HS2ST1: variants seen among roughly 807,000 people sequenced by gnomAD.
HS2ST1 encodes the protein 2-O-sulfotransferase.
In HS2ST1, 18 loss-of-function variants were observed where a neutral mutation model predicts 42.9. That is an observed-to-expected ratio of 0.42 (90% CI 0.29 to 0.62). The LOEUF (loss-of-function observed/expected upper bound fraction) is 0.62. Ranked by LOEUF, HS2ST1 falls within the 20% of genes least tolerant of loss-of-function variation. HS2ST1 has a pLI of 0.21. For missense variants in HS2ST1, 334 were observed against 433.8 expected, an observed-to-expected ratio of 0.77 and a Z score of 2.04; for synonymous variants, 146 against 152.9, an observed-to-expected ratio of 0.95 and a Z score of 0.33.
intron 3 of HS2ST1, among the ~76,000 whole-genome samples, chr1:87,085,610 A>G (rs1651800105): frequency 6.6e-6 from 1 of 152,196 alleles, no homozygotes; most frequent in Non-Finnish European, 1.5e-5. Flanking sequence ...AAAATAAACT[A>G]ATTATTTTTT....
chr1:87,042,808 G>A (rs1650555287), intron 1 of HS2ST1, among the ~76,000 whole-genome samples: 1 of 152,114 alleles, frequency 6.6e-6, no homozygotes, highest in Admixed American at 6.6e-5. Context: ...AATTCTGTAT[G>A]TCTGGGAATA....
At position 87,045,046 on chromosome 1, in the gene HS2ST1, C is replaced by G. The variant is rs189148328; in HGVS notation, c.125-27888C>G. On this transcript the variant is annotated intron_variant, in intron 1 of 6. Transcript: ENST00000370550. ...TTGCGGCTTCTCTCTTCTTCACTGACGTCAGCATTCTTTGAAGAATCTTCT... is the reference window on the plus strand; with the variant it reads ...TTGCGGCTTCTCTCTTCTTCACTGAGGTCAGCATTCTTTGAAGAATCTTCT... 4 of 1,212,810 alleles carry G rather than the reference C, an allele frequency of 3.3e-6. No individual in the cohort carries two copies. The African/African-American group carries it at 6.0e-5, about 18-fold the overall frequency. The allele number at this position is 1,212,810 out of a possible 1,614,324, so 75.1% of individuals were successfully genotyped here. A position where few individuals can be genotyped will look rare whatever the true frequency, so the allele number is the denominator to read the frequency against.
At chr1:87,054,769 G>A (rs1226378666) in intron 1 of HS2ST1, among the ~76,000 whole-genome samples, 2 of 152,116 alleles carry the variant, frequency 1.3e-5, no homozygotes, top group African/African-American at 4.8e-5. Context: ...AAGACTTCAA[G>A]GTACTGTGGA....
chr1:86,958,784 G>A (rs911364970), intron 1 of HS2ST1, among the ~76,000 whole-genome samples: 7 of 152,054 alleles, frequency 4.6e-5, no homozygotes, highest in Non-Finnish European at 1.0e-4. Context: ...TACAAGAAAG[G>A]AAAACTAAAC....
intron 1 of HS2ST1, among the ~76,000 whole-genome samples, chr1:86,983,959 G>A (rs1192307459): frequency 6.6e-6 from 1 of 151,436 alleles, no homozygotes; most frequent in Non-Finnish European, 1.5e-5. Context: ...AGAATTGCTT[G>A]AACCCAGGAG....
chr1:86,915,695 C>G (rs147774275), intron 1 of HS2ST1, among the ~76,000 whole-genome samples: 9 of 152,216 alleles, frequency 5.9e-5, no homozygotes, highest in African/African-American at 2.2e-4. Context: ...GAGTTGCACT[C>G]TTGTGCTCCG....
chr1:86,967,993 AG>A (rs1181374915), intron 1 of HS2ST1, among the ~76,000 whole-genome samples: 1 of 152,186 alleles, frequency 6.6e-6, no homozygotes, highest in Non-Finnish European at 1.5e-5. Context: ...CCATTCCTTC[AG>A]GAATAAGGTG....
intron 1 of HS2ST1, among the ~76,000 whole-genome samples, chr1:86,989,479 G>A (rs1472762495): frequency 6.6e-6 from 1 of 152,036 alleles, no homozygotes; most frequent in African/African-American, 2.4e-5. Context: ...TTTATAAAGA[G>A]GCTTTCAAAA....
At position 87,106,453 on chromosome 1, in the gene HS2ST1, A is replaced by C. The variant is rs185603459; in HGVS notation, c.*1757A>C. 6.8e-4 allele frequency: 104 copies of C among 152,188 alleles called. No individual in the cohort carries two copies. Among genetic ancestry groups the C allele is most frequent in the African/African-American group, 2.4e-3 (101 of 41,564 alleles). The allele number at this position is 152,188 out of a possible 1,614,324, so 9.4% of individuals were successfully genotyped here. ...GGTAGCTATTCTATACCTATGGTTT[A>C]AGTAAATATTTCTGAATAAGGCTTC... On this transcript the variant is annotated 3_prime_UTR_variant, in exon 7 of 7. Transcript: ENST00000370550.
chr1:87,062,732 C>T (rs2100624639), intron 1 of HS2ST1, among the ~76,000 whole-genome samples: 1 of 152,198 alleles, frequency 6.6e-6, no homozygotes, highest in African/African-American at 2.4e-5. Flanking sequence ...GGTAGGTCTA[C>T]TGGCAATAAA....
intron 1 of HS2ST1, among the ~76,000 whole-genome samples, chr1:86,952,050 A>G (rs951108218): frequency 1.3e-5 from 2 of 152,152 alleles, no homozygotes; most frequent in Admixed American, 6.5e-5. Flanking sequence ...GAACCCCACA[A>G]AGTCATTCAT....
intron 1 of HS2ST1, among the ~76,000 whole-genome samples, chr1:86,961,507 T>C (rs1647843166): frequency 6.6e-6 from 1 of 151,814 alleles, no homozygotes; most frequent in Non-Finnish European, 1.5e-5. Context: ...GGTGGAAGAG[T>C]TTTATTTCCC....
chr1:87,036,611 A>G (rs546012323), intron 1 of HS2ST1, among the ~76,000 whole-genome samples: 2 of 152,308 alleles, frequency 1.3e-5, no homozygotes, highest in Non-Finnish European at 2.9e-5. Flanking sequence ...GTGTAGGGAA[A>G]AAATAAAAGA....
chr1:87,030,048 A>C (rs1433848042), intron 1 of HS2ST1, among the ~76,000 whole-genome samples: 1 of 152,200 alleles, frequency 6.6e-6, no homozygotes, highest in South Asian at 2.1e-4. Flanking sequence ...TATTAATTTC[A>C]GCTTGCTCTT....
chr1:87,076,940 C>T (rs1187580437), intron 2 of HS2ST1, among the ~76,000 whole-genome samples: 1 of 152,100 alleles, frequency 6.6e-6, no homozygotes, highest in African/African-American at 2.4e-5. Flanking sequence ...AGGTTATCTG[C>T]GTTAGAGCCC....
At chr1:87,058,334 C>T (rs1055934950) in intron 1 of HS2ST1, among the ~76,000 whole-genome samples, 2 of 151,728 alleles carry the variant, frequency 1.3e-5, no homozygotes, top group African/African-American at 4.9e-5. Flanking sequence ...ATCTTTTTTT[C>T]TGGAGTAATG....
At chr1:87,035,661 A>G (rs1169377669) in intron 1 of HS2ST1, among the ~76,000 whole-genome samples, 1 of 152,108 alleles carries the variant, frequency 6.6e-6, no homozygotes, top group Non-Finnish European at 1.5e-5. Context: ...TTCCACAATA[A>G]CCTTGCAAGT....
chr1:86,986,083 C>T (rs1284208470), intron 1 of HS2ST1, among the ~76,000 whole-genome samples: 1 of 149,972 alleles, frequency 6.7e-6, no homozygotes, highest in Non-Finnish European at 1.5e-5. Context: ...CAGAACAGCC[C>T]CAATTTGTTA....
intron 1 of HS2ST1, among the ~76,000 whole-genome samples, chr1:86,956,849 G>A (rs1319707737): frequency 6.6e-6 from 1 of 152,156 alleles, no homozygotes; most frequent in Non-Finnish European, 1.5e-5. Context: ...TGAGTAACAT[G>A]TTCTTGCTAG....
Sources: gnomAD v4.1 joint callset for allele counts (sites outside exome capture counted in the v4.1 genomes callset) on GRCh38, gnomAD v4.1.1 for gene constraint, MANE v1.5 for transcripts, NCBI Gene and HGNC (gene_info 2026-07-23, HGNC 2026-07-21) for gene names.